Variants in CPED1 observed in about 807,000 individuals in gnomAD.
The protein encoded by CPED1 is cadherin-like and PC-esterase domain-containing protein 1.
In CPED1, 114 loss-of-function variants were observed where a neutral mutation model predicts 128.2. The ratio of observed to expected loss-of-function variants is 0.89; its 90% confidence interval spans 0.76 to 1.04. The LOEUF (loss-of-function observed/expected upper bound fraction) is 1.04. Among genes scored for constraint, CPED1 ranks in the 50% least tolerant of loss-of-function variants. The pLI, the probability that CPED1 is intolerant of heterozygous loss-of-function variation, is 0.00. For missense variants in CPED1, 1,211 were observed against 1,207.1 expected, an observed-to-expected ratio of 1.00 and a Z score of -0.05; for synonymous variants, 462 against 426.7, an observed-to-expected ratio of 1.08 and a Z score of -1.02.
At chr7:121,051,193 A>T in intron 4 of CPED1, 2 of 510,272 alleles carry the variant, frequency 3.9e-6, no homozygotes. Flanking sequence ...AGAGAAAGAA[A>T]CCAAGTCTGA....
At chr7:121,147,469 G>C (rs1460442503) in intron 16 of CPED1, among the ~76,000 whole-genome samples, 1 of 152,186 alleles carries the variant, frequency 6.6e-6, no homozygotes, top group South Asian at 2.1e-4. Flanking sequence ...GTAATAAACT[G>C]TTATTGTGGC....
intron 16 of CPED1, among the ~76,000 whole-genome samples, chr7:121,196,923 T>C (rs2116549082): frequency 6.6e-6 from 1 of 152,196 alleles, no homozygotes; most frequent in Admixed American, 6.5e-5. Context: ...CACCATTTGG[T>C]TGCCATTACT....
intron 11 of CPED1, among the ~76,000 whole-genome samples, chr7:121,129,764 T>C (rs146690367): frequency 4.6e-5 from 7 of 151,984 alleles, no homozygotes; most frequent in Admixed American, 1.3e-4. Flanking sequence ...AAGATTAATA[T>C]TTCTCACTCT....
intron 17 of CPED1, among the ~76,000 whole-genome samples, chr7:121,241,443 A>G (rs1798393741): frequency 6.9e-6 from 1 of 145,478 alleles, no homozygotes; most frequent in Non-Finnish European, 1.5e-5. Context: ...GATAATCTTT[A>G]TTTTGCCATT....
intron 22 of CPED1, among the ~76,000 whole-genome samples, chr7:121,276,295 A>G (rs572010653): frequency 7.2e-5 from 11 of 152,178 alleles, no homozygotes; most frequent in Non-Finnish European, 1.6e-4. Flanking sequence ...ACTTTTGCTT[A>G]TCTTTCTCCA....
rs2116410958 is a variant in CPED1, at chr7:121,154,247, TAAAAA to T, written c.2055+12107_2055+12111del. 3.3e-5 allele frequency among the ~76,000 whole-genome samples: 5 copies of T among 152,302 alleles called. 1 individual carries two copies. The highest frequency in any genetic ancestry group is 1.2e-4 in the African/African-American group (5 of 41,558). On this transcript the variant is annotated intron_variant, in intron 16 of 22. Transcript: ENST00000310396. ...CTCTCCAGTAAATTGCGCATCACAG[TAAAAA>T]GGGATCTCTCTTTCTAATTTGGATG...
intron 2 of CPED1, among the ~76,000 whole-genome samples, chr7:121,013,235 A>C (rs1792208343): frequency 6.6e-6 from 1 of 152,174 alleles, no homozygotes; most frequent in South Asian, 2.1e-4. Context: ...ACTCCTTATA[A>C]ATGTATTATT....
chr7:121,211,073 G>T (rs913291779), intron 16 of CPED1, among the ~76,000 whole-genome samples: 1 of 151,886 alleles, frequency 6.6e-6, no homozygotes, highest in Non-Finnish European at 1.5e-5. Flanking sequence ...AACATAATTT[G>T]GGAAACGTAT....
intron 6 of CPED1, among the ~76,000 whole-genome samples, chr7:121,098,755 AAAATATATAT>A (rs1240505379): frequency 1.9e-5 from 2 of 104,934 alleles, no homozygotes; most frequent in African/African-American, 4.1e-5. Context: ...AAAATATATA[AAAATATATAT>A]AAATATATAT....
Position 121,140,887 on chromosome 7 carries a change from C to T in CPED1, c.1760C>T (p.Pro587Leu), listed in dbSNP as rs1795886314. ...ACACATCCACATTTGGAACTAAATCCTGACTTTCATCCAAAGATCAAAGAT... is the reference window on the plus strand; with the variant it reads ...ACACATCCACATTTGGAACTAAATCTTGACTTTCATCCAAAGATCAAAGAT... ...IFTHPHLELN[P>L]DFHPKIKDYY... The change falls in exon 15 of 23, where the codon CCT becomes CTT. Residue 587 changes from proline to leucine, a missense_variant. Physicochemically the swap from Pro to Leu is moderately conservative, Grantham distance 98. Transcript: ENST00000310396. The T allele has an allele frequency of 4.3e-6, 7 of 1,612,490 alleles. No homozygotes were observed. Among genetic ancestry groups the T allele is most frequent in the Non-Finnish European group, 5.9e-6 (7 of 1,179,040 alleles).
intron 16 of CPED1, among the ~76,000 whole-genome samples, chr7:121,163,751 A>G (rs1327534369): frequency 1.3e-5 from 2 of 152,200 alleles, no homozygotes; most frequent in African/African-American, 2.4e-5. Context: ...AGTGTCCTGA[A>G]TTCCTATATT....
chr7:121,266,581 C>T, intron 19 of CPED1, 126 bp from the exon 20 acceptor site: 3 of 1,169,836 alleles, frequency 2.6e-6, no homozygotes, highest in Non-Finnish European at 3.8e-6. Context: ...CAGCAGAAAA[C>T]AAGTTGGAAA....
chr7:121,036,837 A>AGG (rs2116875288), intron 3 of CPED1, among the ~76,000 whole-genome samples: 1 of 152,148 alleles, frequency 6.6e-6, no homozygotes, highest in South Asian at 2.1e-4. Context: ...CCATTCTTGC[A>AGG]GGAGTGAGGT....
intron 16 of CPED1, among the ~76,000 whole-genome samples, chr7:121,210,251 G>A (rs944077859): frequency 1.3e-5 from 2 of 151,926 alleles, no homozygotes; most frequent in African/African-American, 4.8e-5. Flanking sequence ...ACAGTATGGA[G>A]GTTCTTCAAA....
At chr7:121,043,944 T>C (rs1372385813) in intron 3 of CPED1, among the ~76,000 whole-genome samples, 4 of 152,218 alleles carry the variant, frequency 2.6e-5, no homozygotes, top group African/African-American at 9.6e-5. Flanking sequence ...GGCATTTGCC[T>C]CCTAAATGCT....
chr7:121,191,269 T>C (rs1320702205), intron 16 of CPED1, among the ~76,000 whole-genome samples: 1 of 152,162 alleles, frequency 6.6e-6, no homozygotes, highest in Non-Finnish European at 1.5e-5. Context: ...ACAAATAGTT[T>C]GCAGATTTAT....
intron 3 of CPED1, among the ~76,000 whole-genome samples, chr7:121,028,078 T>A (rs1792640888): frequency 6.6e-6 from 1 of 152,106 alleles, no homozygotes; most frequent in South Asian, 2.1e-4. Flanking sequence ...ACCTACTGAT[T>A]TGCTAGGATG....
At chr7:121,155,064 A>G (rs979363695) in intron 16 of CPED1, among the ~76,000 whole-genome samples, 3 of 152,192 alleles carry the variant, frequency 2.0e-5, no homozygotes, top group African/African-American at 4.8e-5. Context: ...TGGCATTTAT[A>G]TATGCCAACA....
At chr7:121,126,268 C>G (rs12673770) in intron 9 of CPED1, among the ~76,000 whole-genome samples, 52,119 of 151,810 alleles carry the variant, frequency 0.34, 9,288 homozygotes, top group Middle Eastern at 0.5. Flanking sequence ...TTTACATATA[C>G]ATATTTAGTT....
Sources: gnomAD v4.1 joint callset for allele counts (sites outside exome capture counted in the v4.1 genomes callset) on GRCh38, gnomAD v4.1.1 for gene constraint, MANE v1.5 for transcripts, NCBI Gene and HGNC (gene_info 2026-07-23, HGNC 2026-07-21) for gene names.